The following SETD9 variants were observed in gnomAD, a reference collection of about 807,000 sequenced individuals.
SETD9 encodes SET domain containing 9, also known as SET domain-containing protein 9.
A neutral mutation model predicts 36.4 loss-of-function variants in SETD9; 37 were observed. That is an observed-to-expected ratio of 1.02 (90% CI 0.78 to 1.34). The LOEUF (loss-of-function observed/expected upper bound fraction) is 1.34, where lower values mean the gene tolerates loss of function less well. Among genes scored for constraint, SETD9 ranks in the 40% most tolerant of loss-of-function variants. The pLI is 0.00. For missense variants in SETD9, 323 were observed against 353.2 expected (o/e 0.91, Z 0.69); for synonymous variants, 128 against 132.9 (o/e 0.96, Z 0.26).
rs74482990 is a variant in SETD9 at position 56,925,216 on chromosome 5, A to C, written c.813-117A>C. 9.2e-4 allele frequency: 314 copies of C among 340,216 alleles called. 2 individuals are homozygous for C. The East Asian group carries it at 0.018, about 20-fold the overall frequency. 21.1% of individuals were successfully genotyped at this position (340,216 alleles called of 1,614,324 possible). ...AAACATTAGATTTTCAAACATACAGAAAGTGTGAAATTTTCAACATCAATA... is the reference window on the plus strand; with the variant it reads ...AAACATTAGATTTTCAAACATACAGCAAGTGTGAAATTTTCAACATCAATA... On this transcript the variant is annotated intron_variant, in intron 5 of 5. Coordinates refer to the SETD9 transcript ENST00000628593.
intron 1 of SETD9, chr5:56,910,098 T>G: frequency 1.6e-6 from 2 of 1,239,074 alleles, no homozygotes; most frequent in Non-Finnish European, 1.0e-6. Flanking sequence ...TCGCCTGTTC[T>G]TCCCTGTTGC....
downstream of SETD9, among the ~76,000 whole-genome samples, chr5:56,918,214 C>T (rs1749507866): frequency 1.3e-5 from 2 of 152,174 alleles, no homozygotes; most frequent in African/African-American, 4.8e-5. Context: ...CCAACCCACA[C>T]CTGCCTCCTG....
rs373549503 is a variant in SETD9, at chr5:56,923,112, G to A, written c.813-2221G>A. ...TTACTGGTGCTGCACACGCAGTTCC[G>A]GGATCCTCACTCAGGTCACTCAGAG... On this transcript the variant is annotated intron_variant, in intron 5 of 5. Transcript: ENST00000628593. 3.6e-5 allele frequency: 58 copies of A among 1,607,046 alleles called. 1 individual carries two copies. In the South Asian group the frequency reaches 3.6e-4, roughly 10 times the overall value.
At chr5:56,910,830 G>C in intron 1 of SETD9, 1 of 183,436 alleles carries the variant, frequency 5.5e-6, no homozygotes, top group South Asian at 1.0e-4. Flanking sequence ...GCTGAACTTC[G>C]TTTCTGCCTC....
At chr5:56,923,074 G>A in intron 5 of SETD9, 1 of 1,491,778 alleles carries the variant, frequency 6.7e-7, no homozygotes, top group African/African-American at 1.4e-5. Flanking sequence ...AAACCTGATA[G>A]CTCCCCTCAA....
At chr5:56,913,800 A>G in intron 3 of SETD9, 74 bp from the exon 4 acceptor site, 1 of 809,188 alleles carries the variant, frequency 1.2e-6, no homozygotes, top group Non-Finnish European at 1.9e-6. Flanking sequence ...GCACTGGTGT[A>G]ATTCTAGGGT....
chr5:56,919,711 A>G (rs1749576240), downstream of SETD9: 1 of 152,792 alleles, frequency 6.5e-6, no homozygotes, highest in East Asian at 1.9e-4. Context: ...ATTAAAATCA[A>G]TGCAATAGCA....
intron 1 of SETD9, chr5:56,910,195 T>G: frequency 1.6e-6 from 2 of 1,249,976 alleles, no homozygotes; most frequent in Non-Finnish European, 2.1e-6. Context: ...GTGCGTGGCT[T>G]TTTCTCCACC....
intron 5 of SETD9, among the ~76,000 whole-genome samples, chr5:56,924,888 G>A (rs914402350): frequency 6.6e-6 from 1 of 152,158 alleles, no homozygotes; most frequent in Non-Finnish European, 1.5e-5. Flanking sequence ...TTACTAATAT[G>A]GGAATAAGCT....
chr5:56,911,003 T>C, intron 1 of SETD9, 166 bp from the exon 2 acceptor site: 1 of 658,104 alleles, frequency 1.5e-6, no homozygotes. Context: ...GGGAGTTAGC[T>C]AACTAGAACT....
At chr5:56,923,484 G>C (rs758401421) in intron 5 of SETD9, 1 of 1,614,176 alleles carries the variant, frequency 6.2e-7, no homozygotes, top group East Asian at 2.2e-5. Flanking sequence ...ACAGGCACAT[G>C]ATTAACTTGT....
At chr5:56,922,500 G>A (rs890642993) in intron 5 of SETD9, 1 of 152,888 alleles carries the variant, frequency 6.5e-6, no homozygotes, top group Admixed American at 6.5e-5. Context: ...CCATAAAGAT[G>A]GACTTGCTGT....
Position 56,916,942 on chromosome 5 carries a change from T to C in SETD9, c.*40T>C. On this transcript the variant is annotated 3_prime_UTR_variant, in exon 6 of 6. Coordinates refer to ENST00000285947, the MANE Select transcript of SETD9 (RefSeq NM_153706.4). ...AATTATTAGGTTTTCTACTCAGCTA[T>C]TAATTCTAAGTGTTTTTTGTTAATC... 6.4e-7 allele frequency: 1 copy of C among 1,560,086 alleles called. No homozygotes were observed. Among genetic ancestry groups the C allele is most frequent in the Non-Finnish European group, 8.6e-7 (1 of 1,160,456 alleles).
chr5:56,914,782 TTGAG>T (rs1322399645), intron 4 of SETD9, 75 bp from the exon 5 acceptor site: 14 of 924,270 alleles, frequency 1.5e-5, no homozygotes, highest in Non-Finnish European at 2.1e-5. Context: ...AAAACAGACA[TTGAG>T]TGTCATAATT....
exon 6 of SETD9, chr5:56,925,500 C>G (rs1057374332): frequency 7.3e-6 from 2 of 273,048 alleles, no homozygotes; most frequent in Non-Finnish European, 1.4e-5. Flanking sequence ...AACACAAGAC[C>G]ATTTACATTA....
downstream of SETD9, among the ~76,000 whole-genome samples, chr5:56,918,306 A>G (rs1021890569): frequency 6.6e-6 from 1 of 152,126 alleles, no homozygotes; most frequent in Non-Finnish European, 1.5e-5. Flanking sequence ...ATCTTCCCCC[A>G]GACAGCCACA....
At chr5:56,919,249 C>A (rs551796750), downstream of SETD9, among the ~76,000 whole-genome samples, 3 of 151,906 alleles carry the variant, frequency 2.0e-5, no homozygotes, top group African/African-American at 7.2e-5. Context: ...CCTCAGCCTC[C>A]TGAGTAGCTG....
chr5:56,918,093 G>A (rs906350809), downstream of SETD9, among the ~76,000 whole-genome samples: 16 of 151,802 alleles, frequency 1.1e-4, no homozygotes, highest in Non-Finnish European at 2.2e-4. Context: ...ATTGACATAC[G>A]TCTGCTCAAA....
At chr5:56,921,898 C>T (rs1378477861), downstream of SETD9, 1 of 152,482 alleles carries the variant, frequency 6.6e-6, no homozygotes, top group African/African-American at 2.4e-5. Context: ...ACAAAAATGG[C>T]CAAAGTTTAG....
Sources: allele counts gnomAD v4.1 joint callset (sites outside exome capture counted in the v4.1 genomes callset), GRCh38; gene constraint gnomAD v4.1.1; transcripts MANE v1.5; gene names NCBI Gene and HGNC (gene_info 2026-07-23, HGNC 2026-07-21).